Variants in BRSK2 observed in about 807,000 individuals in gnomAD.
BRSK2 encodes the protein serine/threonine-protein kinase BRSK2.
A neutral mutation model predicts 83.3 loss-of-function variants in BRSK2; 19 were observed. The observed-to-expected ratio is 0.23, with a 90% CI of 0.16 to 0.33. The LOEUF (loss-of-function observed/expected upper bound fraction) is 0.33. BRSK2 is among the 10% of genes least tolerant of loss of function. The pLI is 1.00. For synonymous variants in BRSK2, 519 were observed against 435.4 expected (o/e 1.19, Z -2.39); for missense variants, 798 against 1,042.3 (o/e 0.77, Z 3.23).
Position 1,429,210 on chromosome 11 carries a change from C to T in BRSK2, c.92-6830C>T, listed in dbSNP as rs551227984. ...GCGCGTGTGCATGGGTGTGTGTGCA[C>T]GCGGTGTGTGGGCGTGTGCCCATGG... On this transcript the variant is annotated intron_variant, in intron 1 of 19. Coordinates refer to ENST00000528841, the MANE Select transcript of BRSK2 (RefSeq NM_001256627.2). Among the ~76,000 whole-genome samples the T allele has an allele frequency of 2.7e-3, 399 of 145,234 alleles. 1 individual carries two copies. Among genetic ancestry groups the T allele is most frequent in the Middle Eastern group, 9.4e-3 (2 of 212 alleles).
chr11:1,435,268 G>C (rs12290535), intron 1 of BRSK2, among the ~76,000 whole-genome samples: 3 of 44,868 alleles, frequency 6.7e-5, no homozygotes, highest in Non-Finnish European at 9.4e-5. Flanking sequence ...CTCGGCGGAG[G>C]AGGGGTGCCG....
intron 1 of BRSK2, among the ~76,000 whole-genome samples, chr11:1,420,982 C>T (rs944795477): frequency 1.3e-5 from 2 of 152,204 alleles, no homozygotes; most frequent in Non-Finnish European, 1.5e-5. Context: ...TGGAGCCTGA[C>T]TGGGGCCTCC....
intron 16 of BRSK2, among the ~76,000 whole-genome samples, chr11:1,456,013 C>G (rs1214089833): frequency 6.6e-6 from 1 of 152,164 alleles, no homozygotes; most frequent in African/African-American, 2.4e-5. Flanking sequence ...TGGACCCCCA[C>G]CTCAGGCTGC....
Position 1,456,456 on chromosome 11 carries a change from A to G in BRSK2, c.1777A>G (p.Ile593Val). The G allele has an allele frequency of 1.3e-6, 2 of 1,589,544 alleles. No homozygotes were observed. Among genetic ancestry groups the G allele is most frequent in the Non-Finnish European group, 8.6e-7 (1 of 1,168,018 alleles). The change falls in exon 17 of 20, where the codon ATC (isoleucine) becomes GTC (valine). Residue 593 changes from isoleucine (I) to valine (V), a missense_variant. By Grantham distance (29) the Ile-to-Val change is conservative (BLOSUM62 3). This residue lies in a region of BRSK2 where 455 missense variants were observed against 455.2 expected (regional missense o/e 1.00). Transcript: ENST00000528841. The part of the protein sequence containing the change: ...FQKPVKFQVD[I>V]TYTEGGEAQK... Reference sequence around the variant, plus strand: ...GAAGCCGGTCAAGTTCCAGGTTGATATCACCTACACGGAGGGTGGGGAGGC... The same window carrying G: ...GAAGCCGGTCAAGTTCCAGGTTGATGTCACCTACACGGAGGGTGGGGAGGC...
chr11:1,437,804 C>T (rs578224656), intron 2 of BRSK2, among the ~76,000 whole-genome samples: 1 of 152,206 alleles, frequency 6.6e-6, no homozygotes, highest in Admixed American at 6.5e-5. Flanking sequence ...GAGGCCTTAT[C>T]TCCAACAGCT....
chr11:1,446,492 C>T (rs1037351970), intron 12 of BRSK2, among the ~76,000 whole-genome samples: 2 of 152,140 alleles, frequency 1.3e-5, no homozygotes, highest in African/African-American at 4.8e-5. Context: ...GATATGGTCA[C>T]ACCATGCTCA....
intron 1 of BRSK2, among the ~76,000 whole-genome samples, chr11:1,400,889 G>A (rs1335155484): frequency 6.6e-6 from 1 of 152,258 alleles, no homozygotes; most frequent in Non-Finnish European, 1.5e-5. Flanking sequence ...GGGACCCTGT[G>A]GCGTCTGCTC....
At chr11:1,457,244 C>T (rs1038766981) in intron 18 of BRSK2, among the ~76,000 whole-genome samples, 5 of 152,288 alleles carry the variant, frequency 3.3e-5, no homozygotes, top group East Asian at 1.9e-4. Context: ...GCCCTGCCCT[C>T]GGGACTCCCC....
chr11:1,393,666 C>T (rs901918726), intron 1 of BRSK2, among the ~76,000 whole-genome samples: 4 of 152,080 alleles, frequency 2.6e-5, no homozygotes, highest in African/African-American at 9.7e-5. Context: ...GAGAGGGGTC[C>T]TGGGATGGGA....
chr11:1,456,444 T>C lies in BRSK2; in HGVS notation c.1765T>C (p.Phe589Leu). 6.3e-7 allele frequency: 1 copy of C among 1,591,928 alleles called. No homozygotes were observed. Among genetic ancestry groups the C allele is most frequent in the Non-Finnish European group, 8.5e-7 (1 of 1,169,932 alleles). The stretch of plus-strand genomic sequence containing the variant: ...AGCCGTGTTCCAGAAGCCGGTCAAG[T>C]TCCAGGTTGATATCACCTACACGGA... ...GPAVFQKPVK[F>L]QVDITYTEGG... The change falls in exon 17 of 20, where the codon TTC becomes CTC. Residue 589 changes from phenylalanine to leucine, a missense_variant. Phe to Leu is a conservative substitution (Grantham distance 22, BLOSUM62 0). Around this residue, in one of 6 missense-constraint regions of BRSK2, gnomAD observed 455 missense variants for 455.2 expected, o/e 1.00. Transcript: ENST00000528841.
intron 8 of BRSK2, 90 bp downstream of exon 8, chr11:1,443,725 GAC>G: frequency 7.2e-7 from 1 of 1,396,882 alleles, no homozygotes; most frequent in Non-Finnish European, 9.4e-7. Context: ...TGTGTGCCCA[GAC>G]GTGTGGGCAC....
chr11:1,450,821 G>A (rs200041505), intron 14 of BRSK2, 27 bp downstream of exon 14: 1 of 1,567,984 alleles, frequency 6.4e-7, no homozygotes, highest in South Asian at 1.2e-5. Context: ...AGGCGCCAGA[G>A]TGGGGCTGGG....
At chr11:1,396,315 G>A (rs538852518) in intron 1 of BRSK2, among the ~76,000 whole-genome samples, 63 of 97,032 alleles carry the variant, frequency 6.5e-4, no homozygotes, top group Middle Eastern at 5.4e-3. Flanking sequence ...CAGCCGCCTC[G>A]AGGACTGCAT....
At chr11:1,406,900 CTGTG>C (rs1457471148) in intron 1 of BRSK2, among the ~76,000 whole-genome samples, 2 of 152,144 alleles carry the variant, frequency 1.3e-5, no homozygotes, top group African/African-American at 4.8e-5. Flanking sequence ...ATCTGTGTGT[CTGTG>C]TGCGTGTGTG....
chr11:1,400,165 G>A (rs886495845), intron 1 of BRSK2, among the ~76,000 whole-genome samples: 4 of 152,188 alleles, frequency 2.6e-5, no homozygotes, highest in Non-Finnish European at 5.9e-5. Context: ...CTGGGCCTCC[G>A]CCGCCAGCCC....
rs368139412 is a variant in BRSK2, at chr11:1,445,705, C to T, written c.1075+37C>T. The T allele has an allele frequency of 7.9e-5, 128 of 1,611,464 alleles. No homozygotes were observed. In the Middle Eastern group the frequency reaches 1.2e-3, roughly 14 times the overall value. On this transcript the variant is annotated intron_variant, in intron 11 of 19. Coordinates refer to ENST00000528841, the MANE Select transcript of BRSK2 (RefSeq NM_001256627.2). ...GGGGTGGCCTCCAGCCCGGCCTGCA[C>T]TGCCCCACCGGGGTCCGGGGGCTGT...
intron 11 of BRSK2, 32 bp from the exon 12 acceptor site, chr11:1,445,725 G>T (rs374069041): frequency 6.2e-7 from 1 of 1,610,994 alleles, no homozygotes; most frequent in South Asian, 1.1e-5. Flanking sequence ...GGGGTCCGGG[G>T]GCTGTCTGGC....
chr11:1,399,070 C>T (rs115294463), intron 1 of BRSK2, among the ~76,000 whole-genome samples: 1,637 of 152,302 alleles, frequency 0.011, 25 homozygotes, highest in African/African-American at 0.031. Context: ...CCACAGCACA[C>T]GGGCACCTCC....
At chr11:1,437,482 G>A (rs553890075) in intron 2 of BRSK2, among the ~76,000 whole-genome samples, 16 of 152,308 alleles carry the variant, frequency 1.1e-4, no homozygotes, top group South Asian at 2.1e-4. Context: ...AGGGGGCCCT[G>A]CCCTTACCTC....
Sources: gnomAD v4.1 joint callset for allele counts (sites outside exome capture counted in the v4.1 genomes callset) on GRCh38, gnomAD v4.1.1 for gene constraint, gnomAD v4.1.1 regional missense constraint, MANE v1.5 for transcripts, NCBI Gene and HGNC (gene_info 2026-07-23, HGNC 2026-07-21) for gene names.